Variants in TRPM7 observed in about 807,000 individuals in gnomAD.
TRPM7 encodes transient receptor potential cation channel subfamily M member 7, also known as LTRPC ion channel family member 7.
TRPM7 carries 134 observed loss-of-function variants against 229.7 expected under a neutral mutation model. That is an observed-to-expected ratio of 0.58 (90% confidence interval 0.51 to 0.67). The LOEUF is 0.67. Ranked by LOEUF, TRPM7 falls within the 30% of genes least tolerant of loss-of-function variation. The pLI, the probability that TRPM7 is intolerant of heterozygous loss-of-function variation, is 0.00. For synonymous variants in TRPM7, 699 were observed against 715.2 expected (o/e 0.98, Z 0.36); for missense variants, 1,901 against 2,210.0 (o/e 0.86, Z 2.80).
At chr15:50,563,579 G>C (rs577346779) in intron 38 of TRPM7, among the ~76,000 whole-genome samples, 2 of 152,286 alleles carry the variant, frequency 1.3e-5, no homozygotes, top group African/African-American at 2.4e-5. Context: ...CAAGGGAAAA[G>C]AAGAATTGGA....
rs749210209 is a variant in TRPM7 at position 50,592,509 on chromosome 15, C to T, written c.3726G>A (p.Thr1242=). 5.0e-6 allele frequency: 8 copies of T among 1,613,822 alleles called. No homozygotes were observed. Among genetic ancestry groups the T allele is most frequent in the South Asian group, 1.1e-5 (1 of 91,076 alleles). ...IGHLQDLSAL[T]VDTLKTLTAQ... ...CAGTGAGTGTTTTTAATGTATCTAC[C>T]GTCAGGGCTGAAAGATCTTGCAAAT... Residue 1242 remains threonine (T), a synonymous_variant, in exon 26 of 39, where the codon ACG becomes ACA. Coordinates refer to ENST00000646667, the MANE Select transcript of TRPM7 (RefSeq NM_017672.6).
chr15:50,578,527 CT>C lies in TRPM7; in HGVS notation c.4618+111del. ...AGGGAAGAACTCTTCAATACCTTGG[CT>C]TTTTCTAGCTTGAAGTCTAAAATAT... On this transcript the variant is annotated intron_variant, in intron 31 of 38. Coordinates refer to ENST00000646667, the MANE Select transcript of TRPM7 (RefSeq NM_017672.6). 6 of 1,046,842 alleles carry C rather than the reference CT, an allele frequency of 5.7e-6. No homozygotes were observed. In the East Asian group the frequency reaches 1.3e-4, roughly 22 times the overall value. The allele number at this position is 1,046,842 out of a possible 1,614,324, so 64.8% of individuals were successfully genotyped here.
chr15:50,626,529 A>C (rs1324754745), intron 11 of TRPM7, among the ~76,000 whole-genome samples: 2 of 152,186 alleles, frequency 1.3e-5, no homozygotes, highest in Non-Finnish European at 2.9e-5. Flanking sequence ...GCAAATTCTA[A>C]GTTTAGCAAG....
chr15:50,644,774 G>A (rs563568906), intron 4 of TRPM7, among the ~76,000 whole-genome samples: 251 of 128,246 alleles, frequency 2.0e-3, no homozygotes, highest in Non-Finnish European at 1.7e-3. Flanking sequence ...TCCAGGCTGG[G>A]CAACAAGAGC....
chr15:50,578,761 AT>A lies in TRPM7; in HGVS notation c.4593-98del. 3 of 809,404 alleles carry A rather than the reference AT, an allele frequency of 3.7e-6. No individual in the cohort carries two copies. In the East Asian group the frequency reaches 1.0e-4, roughly 28 times the overall value. The allele number at this position is 809,404 out of a possible 1,614,324, so 50.1% of individuals were successfully genotyped here. ...ATTTTATACAATTATTATATAAAAA[AT>A]ATTATTAAGGAAATTCTGAAATTGA... On this transcript the variant is annotated intron_variant, in intron 30 of 38. Transcript: ENST00000646667.
chr15:50,641,602 T>G (rs2061102642), intron 5 of TRPM7, among the ~76,000 whole-genome samples: 1 of 152,182 alleles, frequency 6.6e-6, no homozygotes, highest in African/African-American at 2.4e-5. Context: ...ATCTGTTTCT[T>G]ATCTTTATCT....
At chr15:50,614,702 G>T (rs1240532773) in intron 13 of TRPM7, among the ~76,000 whole-genome samples, 1 of 150,416 alleles carries the variant, frequency 6.6e-6, no homozygotes, top group Non-Finnish European at 1.5e-5. Flanking sequence ...CAGCAGCAAG[G>T]GTTGCCAGCA....
intron 13 of TRPM7, 24 bp downstream of exon 13, chr15:50,619,721 C>T (rs888570526): frequency 6.5e-7 from 1 of 1,536,382 alleles, no homozygotes; most frequent in East Asian, 2.4e-5. Context: ...TAACATTTTT[C>T]AAAAGCAAAA....
chr15:50,579,998 A>G (rs1345704578), intron 30 of TRPM7, among the ~76,000 whole-genome samples: 5 of 152,058 alleles, frequency 3.3e-5, no homozygotes, highest in African/African-American at 1.2e-4. Flanking sequence ...GGTCCCCAAC[A>G]CCTGGGCTCA....
chr15:50,655,483 A>C (rs983407290), intron 3 of TRPM7, among the ~76,000 whole-genome samples: 8 of 151,874 alleles, frequency 5.3e-5, no homozygotes, highest in Non-Finnish European at 1.2e-4. Context: ...CAGGTAAAAA[A>C]TTTGAACGTG....
intron 27 of TRPM7, 97 bp from the exon 28 acceptor site, chr15:50,586,585 C>T (rs1046454550): frequency 5.6e-6 from 4 of 718,168 alleles, no homozygotes; most frequent in East Asian, 5.6e-5. Flanking sequence ...CTATTTAGCT[C>T]AATATGCTTT....
intron 2 of TRPM7, among the ~76,000 whole-genome samples, chr15:50,659,398 G>T (rs903244178): frequency 6.6e-6 from 1 of 152,128 alleles, no homozygotes; most frequent in African/African-American, 2.4e-5. Context: ...CTAAAGCACA[G>T]TACTGGAAAG....
At chr15:50,586,654 T>C (rs555862040) in intron 27 of TRPM7, 166 bp from the exon 28 acceptor site, 10 of 472,806 alleles carry the variant, frequency 2.1e-5, no homozygotes, top group Non-Finnish European at 3.7e-5. Flanking sequence ...TCAATGCCAA[T>C]TTCAAAAGCT....
intron 1 of TRPM7, among the ~76,000 whole-genome samples, chr15:50,682,723 A>C (rs1259951272): frequency 6.6e-6 from 1 of 152,166 alleles, no homozygotes; most frequent in Non-Finnish European, 1.5e-5. Context: ...CTCCAAGTCA[A>C]ACACTGTATT....
chr15:50,674,486 T>C (rs966999152), intron 1 of TRPM7, among the ~76,000 whole-genome samples: 1 of 152,180 alleles, frequency 6.6e-6, no homozygotes, highest in Admixed American at 6.6e-5. Context: ...TTTTGTACTA[T>C]GTATCCCTTA....
At chr15:50,625,097 A>G (rs2060518228) in intron 11 of TRPM7, among the ~76,000 whole-genome samples, 1 of 152,240 alleles carries the variant, frequency 6.6e-6, no homozygotes, top group African/African-American at 2.4e-5. Context: ...TTGGTAAATT[A>G]GTAGGGACAT....
In TRPM7 at chr15:50,592,065, G is replaced by T; in HGVS notation, c.4170C>A (p.Ser1390Arg). 1 of 1,613,178 alleles carries T rather than the reference G, an allele frequency of 6.2e-7. No individual in the cohort carries two copies. Among genetic ancestry groups the T allele is most frequent in the Non-Finnish European group, 8.5e-7 (1 of 1,179,748 alleles). The change falls in exon 26 of 39, where the codon AGC becomes AGA. Residue 1390 changes from serine to arginine, a missense_variant. Physicochemically the swap from Ser to Arg is moderately radical, Grantham distance 110 (BLOSUM62 -1). Transcript: ENST00000646667. ...KNQKLGSSST[S>R]IPHLSSPPTK... ...TTGGTGGGGATGACAGATGTGGTAT[G>T]CTAGTAGATGAACTGCCTAATTTTT... is the stretch of plus-strand genomic sequence containing the variant.
At chr15:50,629,758 GAATAA>G (rs1172062177) in intron 10 of TRPM7, among the ~76,000 whole-genome samples, 1 of 150,954 alleles carries the variant, frequency 6.6e-6, no homozygotes, top group African/African-American at 2.4e-5. Context: ...TGACTTGTAG[GAATAA>G]AATGAGATAA....
At chr15:50,679,538 A>ATATATATTTTT (rs1400383980) in intron 1 of TRPM7, among the ~76,000 whole-genome samples, 26 of 43,888 alleles carry the variant, frequency 5.9e-4, no homozygotes, top group African/African-American at 2.8e-3. Flanking sequence ...ATATATATAT[A>ATATATATTTTT]TTTTTTTTTT....
Sources: allele counts gnomAD v4.1 joint callset (sites outside exome capture counted in the v4.1 genomes callset), GRCh38; gene constraint gnomAD v4.1.1; transcripts MANE v1.5; gene names NCBI Gene and HGNC (gene_info 2026-07-23, HGNC 2026-07-21).